Variants in PHF20 observed in about 807,000 individuals in gnomAD.
PHF20 encodes the protein PHD finger protein 20, also known as glioma-expressed antigen 2.
In PHF20, 23 loss-of-function variants were observed where a neutral mutation model predicts 113.5. The ratio of observed to expected loss-of-function variants is 0.20; its 90% CI spans 0.15 to 0.29. PHF20 has a LOEUF of 0.29. PHF20 is among the 10% of genes least tolerant of loss of function. PHF20 has a pLI of 1.00. For missense variants in PHF20, 943 were observed against 1,219.6 expected, an observed-to-expected ratio of 0.77 and a Z score of 3.38; for synonymous variants, 434 against 457.3, an observed-to-expected ratio of 0.95 and a Z score of 0.65.
At chr20:35,930,857 A>G (rs913107002) in intron 14 of PHF20, among the ~76,000 whole-genome samples, 6 of 152,172 alleles carry the variant, frequency 3.9e-5, no homozygotes, top group African/African-American at 1.2e-4. Flanking sequence ...GAAGACAGGA[A>G]GGAACTGGGT....
chr20:35,824,318 A>G (rs2146907446), intron 2 of PHF20, among the ~76,000 whole-genome samples: 2 of 152,072 alleles, frequency 1.3e-5, no homozygotes, highest in Middle Eastern at 3.4e-3. Flanking sequence ...TATAAAATTC[A>G]TCCTTTTAGG....
At position 35,899,458 on chromosome 20, in the gene PHF20, G is replaced by A; in HGVS notation, c.1371G>A (p.Val457=). 6.2e-7 allele frequency: 1 copy of A among 1,614,050 alleles called. No homozygotes were observed. The highest frequency in any genetic ancestry group is 8.5e-7 in the Non-Finnish European group (1 of 1,179,960). ...ACCATAAGTTTAGATGCAAAGTTGTGGACTGTTTAAAATTTTTCCGCAAAG... is the reference window on the plus strand; with the variant it reads ...ACCATAAGTTTAGATGCAAAGTTGTAGACTGTTTAAAATTTTTCCGCAAAG... The part of the protein sequence containing the change: ...DLDHKFRCKV[V]DCLKFFRKAK... The change falls in exon 10 of 18, where the codon GTG becomes GTA. Residue 457 remains valine (V), a synonymous_variant. Coordinates refer to ENST00000374012, the MANE Select transcript of PHF20 (RefSeq NM_016436.5).
At chr20:35,871,862 T>A (rs2054428677) in intron 9 of PHF20, 33 bp downstream of exon 9, 1 of 1,493,652 alleles carries the variant, frequency 6.7e-7, no homozygotes, top group African/African-American at 1.4e-5. Flanking sequence ...ATCCTCTTTT[T>A]ATATACACTT....
At chr20:35,878,728 C>T in intron 9 of PHF20, 1 of 758,952 alleles carries the variant, frequency 1.3e-6, no homozygotes, top group Non-Finnish European at 2.4e-6. Flanking sequence ...AAAACCTAAG[C>T]CTTAGAAGAA....
At chr20:35,913,039 A>T (rs546482551) in intron 10 of PHF20, among the ~76,000 whole-genome samples, 1 of 152,148 alleles carries the variant, frequency 6.6e-6, no homozygotes, top group Non-Finnish European at 1.5e-5. Flanking sequence ...ACTAAAATCC[A>T]TTTACAATGA....
intron 10 of PHF20, among the ~76,000 whole-genome samples, chr20:35,904,642 G>C (rs912087965): frequency 6.6e-6 from 1 of 152,002 alleles, no homozygotes; most frequent in African/African-American, 2.4e-5. Flanking sequence ...CTCAATATCT[G>C]GGTTGGTAAG....
At chr20:35,940,531 C>T (rs1217879218) in intron 16 of PHF20, among the ~76,000 whole-genome samples, 1 of 152,128 alleles carries the variant, frequency 6.6e-6, no homozygotes, top group Non-Finnish European at 1.5e-5. Flanking sequence ...GTGTGACTCC[C>T]GTGTACTAAC....
chr20:35,796,926 C>T (rs1414556925), intron 1 of PHF20, among the ~76,000 whole-genome samples: 1 of 152,048 alleles, frequency 6.6e-6, no homozygotes, highest in East Asian at 1.9e-4. Context: ...TTACATTAGT[C>T]CTAATTATAT....
At chr20:35,912,691 G>T (rs981281294) in intron 10 of PHF20, among the ~76,000 whole-genome samples, 3 of 152,142 alleles carry the variant, frequency 2.0e-5, no homozygotes, top group African/African-American at 4.8e-5. Flanking sequence ...ATTTAGCCAG[G>T]TGTGGTGGCG....
chr20:35,914,141 G>C lies in PHF20; in HGVS notation c.1769G>C (p.Ser590Thr). The change falls in exon 12 of 18, where the codon AGC becomes ACC. Residue 590 changes from serine (S) to threonine (T), a missense_variant. This residue lies in a region of PHF20 where 592 missense variants were observed against 787.2 expected (regional missense o/e 0.75). Coordinates refer to ENST00000374012, the MANE Select transcript of PHF20 (RefSeq NM_016436.5). ...TCACACAAGCCAGGGGTCCATATGA[G>C]CCCGCAGCTTCATGGCCCAGAATCT... ...GSSHKPGVHM[S>T]PQLHGPESGH... 2 of 1,614,130 alleles carry C rather than the reference G, an allele frequency of 1.2e-6. No individual in the cohort carries two copies. The highest frequency in any genetic ancestry group is 1.7e-6 in the Non-Finnish European group (2 of 1,180,026).
intron 6 of PHF20, among the ~76,000 whole-genome samples, chr20:35,864,637 A>G (rs1006183942): frequency 1.3e-5 from 2 of 152,146 alleles, no homozygotes; most frequent in African/African-American, 4.8e-5. Flanking sequence ...ATTATATAAT[A>G]GGTTGATTTG....
chr20:35,837,840 A>G (rs2042469163), intron 2 of PHF20, among the ~76,000 whole-genome samples: 1 of 152,210 alleles, frequency 6.6e-6, no homozygotes, highest in African/African-American at 2.4e-5. Context: ...AAATCTTACC[A>G]GGTTGATCTC....
Position 35,923,679 on chromosome 20 carries a change from T to C in PHF20, c.2005-4101T>C, listed in dbSNP as rs1000700370. Among the ~76,000 whole-genome samples the C allele has an allele frequency of 4.6e-5, 7 of 152,180 alleles. No homozygotes were observed. The East Asian group carries it at 1.3e-3, about 29-fold the overall frequency. On this transcript the variant is annotated intron_variant, in intron 13 of 17. Coordinates refer to ENST00000374012, the MANE Select transcript of PHF20 (RefSeq NM_016436.5). ...AAACATTCTATGGCTAAACAAACAATAGCAAATGTATTGTTTCCTTTTAAA... is the reference window on the plus strand; with the variant it reads ...AAACATTCTATGGCTAAACAAACAACAGCAAATGTATTGTTTCCTTTTAAA...
At position 35,813,933 on chromosome 20, in the gene PHF20, G is replaced by GAA. The variant is rs57769210; in HGVS notation, c.83+12351_83+12352dup. Among the ~76,000 whole-genome samples, 13 of 24,996 alleles carry GAA rather than the reference G, an allele frequency of 5.2e-4. 1 individual carries two copies. Among genetic ancestry groups the GAA allele is most frequent in the East Asian group, 1.4e-3 (1 of 702 alleles). The allele number at this position is 24,996 out of a possible 152,430, so 16.4% of individuals were successfully genotyped here. A position where few individuals can be genotyped will look rare whatever the true frequency, so the allele number is the denominator to read the frequency against. ...GGTGACAGAGTGAGACTCCGTCTCAGAAAAAAAAAAAAAAAAAAAAAAAAG... is the reference window on the plus strand; with the variant it reads ...GGTGACAGAGTGAGACTCCGTCTCAGAAAAAAAAAAAAAAAAAAAAAAAAAAG... On this transcript the variant is annotated intron_variant, in intron 2 of 17. Coordinates refer to ENST00000374012, the MANE Select transcript of PHF20 (RefSeq NM_016436.5).
At chr20:35,875,168 C>T (rs531452025) in intron 9 of PHF20, among the ~76,000 whole-genome samples, 2 of 151,978 alleles carry the variant, frequency 1.3e-5, no homozygotes, top group South Asian at 2.1e-4. Context: ...GATGCCTAGG[C>T]GGGCAGATCA....
chr20:35,866,659 A>G (rs1208196795), intron 6 of PHF20, among the ~76,000 whole-genome samples: 1 of 152,146 alleles, frequency 6.6e-6, no homozygotes, highest in East Asian at 1.9e-4. Context: ...TCAGTTTAGG[A>G]AAGAGTATGT....
At position 35,855,134 on chromosome 20, in the gene PHF20, C is replaced by A. The variant is rs139431493; in HGVS notation, c.341-3168C>A. On this transcript the variant is annotated intron_variant, in intron 4 of 17. Transcript: ENST00000374012. The stretch of plus-strand genomic sequence containing the variant: ...TCAAGATAACTGGAGTCTTAAAACT[C>A]CCATCCCCCCATCTCCGTCCCCAGA... The A allele has an allele frequency of 1.5e-3, 422 of 276,682 alleles. 1 individual carries two copies. Among genetic ancestry groups the A allele is most frequent in the African/African-American group, 9.2e-3 (400 of 43,544 alleles). 17.1% of individuals were successfully genotyped at this position (276,682 alleles called of 1,614,324 possible).
At chr20:35,887,824 AAAAG>A (rs2054764919) in intron 9 of PHF20, 2 of 151,714 alleles carry the variant, frequency 1.3e-5, no homozygotes, top group Admixed American at 1.3e-4. Context: ...AAAAAAAAAA[AAAAG>A]AAGAAGTTAC....
Position 35,913,296 on chromosome 20 carries a change from G to C in PHF20, c.1609G>C (p.Val537Leu), listed in dbSNP as rs750715985. The C allele has an allele frequency of 6.2e-7, 1 of 1,604,350 alleles. No homozygotes were observed. The change falls in exon 11 of 18, where the codon GTG becomes CTG. Residue 537 changes from valine (V) to leucine (L), a missense_variant. By Grantham distance (32) the Val-to-Leu change is conservative (BLOSUM62 1). Coordinates refer to ENST00000374012, the MANE Select transcript of PHF20 (RefSeq NM_016436.5). ...KNKEKKFKEF[V>L]RVKPKKKKKK... ...TAAAGAGAAGAAATTCAAGGAGTTT[G>C]TGAGAGTGAAGCCAAAGAAGAAAAA...
Sources: gnomAD v4.1 joint callset for allele counts (sites outside exome capture counted in the v4.1 genomes callset) on GRCh38, gnomAD v4.1.1 for gene constraint, gnomAD v4.1.1 regional missense constraint, MANE v1.5 for transcripts, NCBI Gene and HGNC (gene_info 2026-07-23, HGNC 2026-07-21) for gene names.